The following MAFF variants were observed in gnomAD, a reference collection of about 807,000 sequenced individuals.
MAFF encodes transcription factor MafF.
In MAFF, 4 loss-of-function variants were observed where a neutral mutation model predicts 2.7. That is an observed-to-expected ratio of 1.48 (90% confidence interval 0.73 to 3.39). The LOEUF is 3.39. Among genes scored for constraint, MAFF ranks in the 30% most tolerant of loss-of-function variants. The pLI is 0.01. For synonymous variants in MAFF, 113 were observed against 119.4 expected (o/e 0.95, Z 0.35); for missense variants, 190 against 246.6 (o/e 0.77, Z 1.54).
Position 38,214,995 on chromosome 22 carries a change from C to T in MAFF, c.*117C>T. 1 of 770,084 alleles carries T rather than the reference C, an allele frequency of 1.3e-6. No individual in the cohort carries two copies. The highest frequency in any genetic ancestry group is 1.6e-5 in the South Asian group (1 of 63,698). The allele number at this position is 770,084 out of a possible 1,614,324, so 47.7% of individuals were successfully genotyped here. Reference sequence around the variant, plus strand: ...TCTCTGCAGCACTGGCCCCTTGGTGCACACACATTCCCTTCGTGGGCCCTG... The same window carrying T: ...TCTCTGCAGCACTGGCCCCTTGGTGTACACACATTCCCTTCGTGGGCCCTG... On this transcript the variant is annotated 3_prime_UTR_variant, in exon 3 of 3. Transcript: ENST00000338483. The surrounding 1 kb of genome is among the most constrained non-coding windows in gnomAD (Gnocchi z 6.3).
At position 38,216,349 on chromosome 22, in the gene MAFF, TG is replaced by T; in HGVS notation, c.*1474del. 1 of 164,400 alleles carries T rather than the reference TG, an allele frequency of 6.1e-6. No individual in the cohort carries two copies. The allele number at this position is 164,400 out of a possible 1,614,324, so 10.2% of individuals were successfully genotyped here. The stretch of plus-strand genomic sequence containing the variant: ...GAGATCGCACCACTGCACTCCAGCC[TG>T]GGCAACATAGCAAAATCCTGTCTCA... On this transcript the variant is annotated 3_prime_UTR_variant, in exon 3 of 3. Transcript: ENST00000338483.
intron 1 of MAFF, among the ~76,000 whole-genome samples, chr22:38,210,016 A>C (rs1476456214): frequency 6.6e-6 from 1 of 152,060 alleles, no homozygotes; most frequent in African/African-American, 2.4e-5. Flanking sequence ...TGAGCCCCCT[A>C]GGATTTGGAG....
intron 1 of MAFF, among the ~76,000 whole-genome samples, chr22:38,212,499 C>A (rs1195886655): frequency 6.6e-6 from 1 of 152,200 alleles, no homozygotes; most frequent in African/African-American, 2.4e-5. Flanking sequence ...TGACCACTGA[C>A]CCTCCACGAG....
At chr22:38,205,603 T>C (rs2091045576) in intron 1 of MAFF, 1 of 152,122 alleles carries the variant, frequency 6.6e-6, no homozygotes, top group Non-Finnish European at 1.5e-5. Flanking sequence ...CCTCTCTCCT[T>C]ATGCCTCCAG....
At chr22:38,210,623 A>AGAGTGT (rs149088492) in intron 1 of MAFF, among the ~76,000 whole-genome samples, 28 of 133,016 alleles carry the variant, frequency 2.1e-4, no homozygotes, top group African/African-American at 7.1e-4. Context: ...GGACACAGGG[A>AGAGTGT]GTGTGTGTGT....
intron 1 of MAFF, among the ~76,000 whole-genome samples, chr22:38,209,611 G>A (rs1285123860): frequency 1.3e-5 from 2 of 151,768 alleles, no homozygotes; most frequent in Admixed American, 1.3e-4. Context: ...TTAGGAGTTC[G>A]AGACCAGCCT....
At position 38,214,769 on chromosome 22, in the gene MAFF, C is replaced by G; in HGVS notation, c.386C>G (p.Thr129Arg). Residue 129 changes from threonine to arginine, a missense_variant, in exon 3 of 3, where the codon ACG becomes AGG. Transcript: ENST00000338483. The surrounding 1 kb of genome is among the most constrained non-coding windows in gnomAD (Gnocchi z 6.3). ...RSVAAARGPA[T>R]LVAPASVITI... ...GTGGCCGCCGCCCGCGGGCCCGCCA[C>G]GCTCGTGGCGCCGGCCAGCGTCATC... is the stretch of plus-strand genomic sequence containing the variant. 1 of 1,436,222 alleles carries G rather than the reference C, an allele frequency of 7.0e-7. No individual in the cohort carries two copies. The highest frequency in any genetic ancestry group is 9.1e-7 in the Non-Finnish European group (1 of 1,101,218). The allele number at this position is 1,436,222 out of a possible 1,614,324, so 89.0% of individuals were successfully genotyped here.
chr22:38,206,438 T>C (rs1320690625), intron 1 of MAFF, among the ~76,000 whole-genome samples: 1 of 150,618 alleles, frequency 6.6e-6, no homozygotes, highest in East Asian at 2.0e-4. Context: ...ACCTCCCGGG[T>C]TCATGCAATT....
intron 1 of MAFF, among the ~76,000 whole-genome samples, chr22:38,207,616 T>G (rs978392074): frequency 1.3e-5 from 2 of 151,370 alleles, no homozygotes; most frequent in Non-Finnish European, 2.9e-5. Flanking sequence ...ATTTTTTTTT[T>G]AAGAGGCGGG....
chr22:38,212,124 C>G (rs2091105961), intron 1 of MAFF, among the ~76,000 whole-genome samples: 1 of 152,162 alleles, frequency 6.6e-6, no homozygotes, highest in Non-Finnish European at 1.5e-5. Context: ...CTCAGCCTCT[C>G]AAATAGCTGG....
At chr22:38,204,319 C>T (rs2091036378) in intron 1 of MAFF, among the ~76,000 whole-genome samples, 2 of 152,150 alleles carry the variant, frequency 1.3e-5, no homozygotes, top group African/African-American at 4.8e-5. Flanking sequence ...TTTGAAAGTA[C>T]ATAACAGCGC....
At chr22:38,206,340 CTTTTTT>C (rs61643002) in intron 1 of MAFF, among the ~76,000 whole-genome samples, 5 of 108,328 alleles carry the variant, frequency 4.6e-5, no homozygotes, top group Admixed American at 9.5e-5. Flanking sequence ...CCTATGCCTC[CTTTTTT>C]TTTTTTTTTT....
intron 1 of MAFF, among the ~76,000 whole-genome samples, chr22:38,209,371 T>C (rs574670485): frequency 1.3e-4 from 20 of 152,178 alleles, no homozygotes; most frequent in South Asian, 1.2e-3. Context: ...AGCCGAACCA[T>C]GGAAGGCTTT....
intron 1 of MAFF, among the ~76,000 whole-genome samples, chr22:38,209,685 C>T (rs1026722963): frequency 2.6e-5 from 4 of 151,734 alleles, no homozygotes; most frequent in Admixed American, 1.3e-4. Flanking sequence ...TGGTGGTAGG[C>T]GCCTGTAGTC....
chr22:38,208,543 G>C (rs531091606), intron 1 of MAFF, among the ~76,000 whole-genome samples: 5 of 152,162 alleles, frequency 3.3e-5, no homozygotes, highest in South Asian at 2.1e-4. Flanking sequence ...ACTACGTTTC[G>C]GCTTGGAACC....
intron 1 of MAFF, 33 bp from the exon 2 acceptor site, chr22:38,213,790 A>G: frequency 6.5e-7 from 1 of 1,535,576 alleles, no homozygotes; most frequent in Non-Finnish European, 9.0e-7. Context: ...AACCAAAAAC[A>G]AAACAGTGAC....
chr22:38,208,850 A>G (rs887183905), intron 1 of MAFF, among the ~76,000 whole-genome samples: 3 of 151,966 alleles, frequency 2.0e-5, no homozygotes, highest in Non-Finnish European at 4.4e-5. Context: ...GGGGAGAGAA[A>G]TATCATGGGG....
intron 1 of MAFF, among the ~76,000 whole-genome samples, chr22:38,211,383 C>A (rs1035257237): frequency 6.6e-6 from 1 of 152,060 alleles, no homozygotes; most frequent in Non-Finnish European, 1.5e-5. Context: ...CGTGCCACCA[C>A]GCCCGGCTAA....
chr22:38,210,170 C>G (rs1229478441), intron 1 of MAFF, among the ~76,000 whole-genome samples: 4 of 152,212 alleles, frequency 2.6e-5, no homozygotes, highest in African/African-American at 9.7e-5. Context: ...GGGTCCTGAC[C>G]TGGCACTCTG....
Sources: allele counts gnomAD v4.1 joint callset (sites outside exome capture counted in the v4.1 genomes callset), GRCh38; gene constraint gnomAD v4.1.1; non-coding constraint Gnocchi (gnomAD v3.1); transcripts MANE v1.5; gene names NCBI Gene and HGNC (gene_info 2026-07-23, HGNC 2026-07-21).